The following DOCK3 variants were observed in gnomAD, a reference collection of about 807,000 sequenced individuals.
The protein encoded by DOCK3 is dedicator of cytokinesis protein 3.
In DOCK3, 60 loss-of-function variants were observed where a neutral mutation model predicts 265.6. The observed-to-expected ratio is 0.23, with a 90% CI of 0.18 to 0.28. DOCK3 has a LOEUF of 0.28. Ranked by LOEUF, DOCK3 falls within the 10% of genes least tolerant of loss-of-function variation. The probability of loss-of-function intolerance (pLI) is 1.00; values close to 1 mark genes in which losing one functional copy is unlikely to be tolerated. For missense variants in DOCK3, 1,981 were observed against 2,594.3 expected (o/e 0.76, Z 5.14); for synonymous variants, 881 against 938.0 (o/e 0.94, Z 1.11).
chr3:50,861,802 T>C (rs1288929080), intron 3 of DOCK3, among the ~76,000 whole-genome samples: 8 of 151,556 alleles, frequency 5.3e-5, no homozygotes, highest in Non-Finnish European at 1.0e-4. Context: ...TATCCCTTTA[T>C]GTTGAGCCTT....
At chr3:50,860,849 C>T (rs1046685436) in intron 3 of DOCK3, among the ~76,000 whole-genome samples, 6 of 152,224 alleles carry the variant, frequency 3.9e-5, no homozygotes, top group Admixed American at 2.6e-4. Context: ...GTGGGGCCTG[C>T]AGGCCGTTGC....
chr3:51,090,191 C>A, intron 8 of DOCK3, 39 bp from the exon 9 acceptor site: 1 of 1,512,762 alleles, frequency 6.6e-7, no homozygotes, highest in Non-Finnish European at 8.8e-7. Flanking sequence ...TAAAAAATAA[C>A]TAAAATAAAA....
chr3:51,292,200 C>CT (rs2081823475), intron 27 of DOCK3, among the ~76,000 whole-genome samples: 1 of 152,172 alleles, frequency 6.6e-6, no homozygotes, highest in Non-Finnish European at 1.5e-5. Context: ...GATGCCCACT[C>CT]TGACTACTTC....
rs1559946675 is a variant in DOCK3 at position 51,016,951 on chromosome 3, ATAT to A, written c.316-47496_316-47494del. On this transcript the variant is annotated intron_variant, in intron 5 of 52. Coordinates refer to ENST00000266037, the MANE Select transcript of DOCK3 (RefSeq NM_004947.5). Reference sequence around the variant, plus strand: ...ATATATACAATATATGTTATATATAATATATATATTATATATATATAAATAAAT... The same window carrying A: ...ATATATACAATATATGTTATATATAAATATATTATATATATATAAATAAAT... Among the ~76,000 whole-genome samples the A allele has an allele frequency of 5.4e-3, 144 of 26,796 alleles. 34 individuals are homozygous for A. Among genetic ancestry groups the A allele is most frequent in the African/African-American group, 0.027 (118 of 4,388 alleles). The allele number at this position is 26,796 out of a possible 152,430, so 17.6% of individuals were successfully genotyped here. A position where few individuals can be genotyped will look rare whatever the true frequency, so the allele number is the denominator to read the frequency against.
chr3:51,379,490 G>A, intron 51 of DOCK3: 7 of 985,438 alleles, frequency 7.1e-6, no homozygotes, highest in Non-Finnish European at 8.4e-6. Context: ...GGATAGCGGA[G>A]CCCAAGAGGC....
rs758467477 is a variant in DOCK3 at position 50,927,674 on chromosome 3, A to G, written c.219-6307A>G. 3.5e-4 allele frequency among the ~76,000 whole-genome samples: 53 copies of G among 152,330 alleles called. 1 individual carries two copies. Among genetic ancestry groups the G allele is most frequent in the Admixed American group, 1.4e-3 (22 of 15,308 alleles). ...TGTCGTTTTTTCAGTCTTTGCTTCT[A>G]GAAGTCATTGGTTTCCTTTTCTAAG... On this transcript the variant is annotated intron_variant, in intron 4 of 52. Coordinates refer to ENST00000266037, the MANE Select transcript of DOCK3 (RefSeq NM_004947.5).
chr3:51,193,613 G>T (rs1203597941), intron 12 of DOCK3, among the ~76,000 whole-genome samples: 2 of 151,960 alleles, frequency 1.3e-5, no homozygotes, highest in African/African-American at 4.8e-5. Flanking sequence ...GGTCTATTCA[G>T]GGTTTTTCTT....
At chr3:50,754,391 G>A (rs1473457855) in intron 1 of DOCK3, among the ~76,000 whole-genome samples, 1 of 152,012 alleles carries the variant, frequency 6.6e-6, no homozygotes, top group Non-Finnish European at 1.5e-5. Context: ...GCATCATGGA[G>A]TATTCTCATG....
In DOCK3 at chr3:51,089,411, A is replaced by G. The variant is rs946957559; in HGVS notation, c.591+127A>G. The G allele has an allele frequency of 9.4e-6, 11 of 1,175,012 alleles. No individual in the cohort carries two copies. The South Asian group carries it at 1.2e-4, about 13-fold the overall frequency. 72.8% of individuals were successfully genotyped at this position (1,175,012 alleles called of 1,614,324 possible). A position where few individuals can be genotyped will look rare whatever the true frequency, so the allele number is the denominator to read the frequency against. On this transcript the variant is annotated intron_variant, in intron 8 of 52. Coordinates refer to ENST00000266037, the MANE Select transcript of DOCK3 (RefSeq NM_004947.5). ...CTTGACTGTGTGGTGTCTTTATCTG[A>G]GGAGCTTTGACCTCTAAACAGTTTT...
rs773447736 is a variant in DOCK3 at position 51,361,191 on chromosome 3, C to G, written c.5006+559C>G. Among the ~76,000 whole-genome samples, 10 of 152,180 alleles carry G rather than the reference C, an allele frequency of 6.6e-5. No homozygotes were observed. Among genetic ancestry groups the G allele is most frequent in the Non-Finnish European group, 1.3e-4 (9 of 68,038 alleles). On this transcript the variant is annotated intron_variant, in intron 47 of 52. Transcript: ENST00000266037. The surrounding 1 kb of genome is among the most constrained non-coding windows in gnomAD (Gnocchi z 4.2). ...TGGGCTCAACTGAGAATACTGAAAG[C>G]CTCTAGGCCAGGAAGGCCAAGTTGG...
chr3:50,900,937 C>A, intron 4 of DOCK3: 1 of 429,748 alleles, frequency 2.3e-6, no homozygotes, highest in South Asian at 1.7e-5. Flanking sequence ...GTCTCCTAGT[C>A]AGGAGGCACG....
intron 38 of DOCK3, among the ~76,000 whole-genome samples, chr3:51,342,962 C>T (rs1191778640): frequency 6.6e-6 from 1 of 152,192 alleles, no homozygotes; most frequent in African/African-American, 2.4e-5. Context: ...GGGCAGTTAT[C>T]AGACCCACTG....
At chr3:50,783,469 A>G (rs2042029567) in intron 2 of DOCK3, among the ~76,000 whole-genome samples, 3 of 152,052 alleles carry the variant, frequency 2.0e-5, no homozygotes, top group South Asian at 4.1e-4. Context: ...CCATTTGTCT[A>G]TCTCCTTGAG....
intron 10 of DOCK3, among the ~76,000 whole-genome samples, chr3:51,155,708 A>T (rs2085812703): frequency 6.6e-6 from 1 of 152,196 alleles, no homozygotes; most frequent in African/African-American, 2.4e-5. Context: ...AGGGTTTCCT[A>T]CCAAGGAAGA....
At chr3:50,880,552 A>G (rs1372869692) in intron 3 of DOCK3, 1 of 199,624 alleles carries the variant, frequency 5.0e-6, no homozygotes, top group Non-Finnish European at 1.0e-5. Context: ...TCCTGGATAT[A>G]TACACCCTCC....
At position 51,025,191 on chromosome 3, in the gene DOCK3, G is replaced by A. The variant is rs538913894; in HGVS notation, c.316-39257G>A. Among the ~76,000 whole-genome samples, 209 of 152,250 alleles carry A rather than the reference G, an allele frequency of 1.4e-3. 1 individual carries two copies. The highest frequency in any genetic ancestry group is 1.7e-3 in the Non-Finnish European group (117 of 68,008). On this transcript the variant is annotated intron_variant, in intron 5 of 52. Coordinates refer to ENST00000266037, the MANE Select transcript of DOCK3 (RefSeq NM_004947.5). ...AGGGCAGGTGGAGAAATACCACCAG[G>A]TTGGGTCAGGGTTAGGTGGGCCTGA... is the stretch of plus-strand genomic sequence containing the variant.
chr3:51,091,149 C>T (rs1249423427), intron 9 of DOCK3, among the ~76,000 whole-genome samples: 1 of 151,942 alleles, frequency 6.6e-6, no homozygotes, highest in Non-Finnish European at 1.5e-5. Flanking sequence ...TAGTATGTGC[C>T]CTTGGGAAAG....
At chr3:50,688,601 T>C (rs2035003477) in intron 1 of DOCK3, among the ~76,000 whole-genome samples, 1 of 152,188 alleles carries the variant, frequency 6.6e-6, no homozygotes, top group Non-Finnish European at 1.5e-5. Flanking sequence ...TAGCTGGGAT[T>C]ATAGGCGCAT....
intron 12 of DOCK3, among the ~76,000 whole-genome samples, chr3:51,178,718 G>A (rs4927970): frequency 2.0e-5 from 3 of 152,044 alleles, no homozygotes; most frequent in Non-Finnish European, 4.4e-5. Context: ...TGACCTTAAC[G>A]TATGTGATAA....
Sources: allele counts gnomAD v4.1 joint callset (sites outside exome capture counted in the v4.1 genomes callset), GRCh38; gene constraint gnomAD v4.1.1; non-coding constraint Gnocchi (gnomAD v3.1); transcripts MANE v1.5; gene names NCBI Gene and HGNC (gene_info 2026-07-23, HGNC 2026-07-21).